SVOPL: variants seen among roughly 807,000 people sequenced by gnomAD.
SVOPL encodes putative transporter SVOPL.
A neutral mutation model predicts 61.0 loss-of-function variants in SVOPL; 60 were observed. The observed-to-expected ratio is 0.98, with a 90% CI of 0.80 to 1.22. The LOEUF is 1.22. Among genes scored for constraint, SVOPL ranks in the 50% most tolerant of loss-of-function variants. The pLI is 0.00. For synonymous variants in SVOPL, 279 were observed against 250.0 expected, an observed-to-expected ratio of 1.12 and a Z score of -1.09; for missense variants, 662 against 643.9, an observed-to-expected ratio of 1.03 and a Z score of -0.30.
intron 6 of SVOPL, 50 bp from the exon 7 acceptor site, chr7:138,656,561 A>G (rs374281665): frequency 1.3e-6 from 2 of 1,585,134 alleles, no homozygotes; most frequent in East Asian, 4.5e-5. Context: ...AAACTAAATC[A>G]TCTTTTAAAA....
intron 9 of SVOPL, 42 bp from the exon 10 acceptor site, chr7:138,630,164 A>C: frequency 6.7e-7 from 1 of 1,492,670 alleles, no homozygotes; most frequent in Non-Finnish European, 9.3e-7. Flanking sequence ...CAGCAGCTTA[A>C]GGATGAACGG....
chr7:138,684,080 C>A (rs570544692), intron 1 of SVOPL, among the ~76,000 whole-genome samples: 1 of 150,384 alleles, frequency 6.6e-6, no homozygotes, highest in African/African-American at 2.4e-5. Flanking sequence ...CAAAGAAGAT[C>A]CTGGCCAGGT....
intron 1 of SVOPL, among the ~76,000 whole-genome samples, chr7:138,680,571 TTGTGTGTG>T (rs60027714): frequency 9.5e-5 from 14 of 148,012 alleles, no homozygotes; most frequent in Admixed American, 8.1e-4. Flanking sequence ...ACACAGACTT[TTGTGTGTG>T]TGTGTGTGTG....
intron 14 of SVOPL, among the ~76,000 whole-genome samples, chr7:138,618,707 CGCGA>C (rs1415906712): frequency 3.6e-5 from 4 of 109,734 alleles, no homozygotes; most frequent in Admixed American, 9.5e-5. Context: ...CGTGCACACG[CGCGA>C]GAGAGAGAGA....
Position 138,661,472 on chromosome 7 carries a change from C to T in SVOPL, c.346-1484G>A, listed in dbSNP as rs182129696. The stretch of plus-strand genomic sequence containing the variant: ...TCAGGTCCAGAGACACAGGAGCATG[C>T]GACTCCGGTCACATTCCCGCACCCA... On this transcript the variant is annotated intron_variant, in intron 5 of 15. Transcript: ENST00000674285. 3.9e-4 allele frequency: 378 copies of T among 978,366 alleles called. 7 individuals are homozygous for T. The East Asian group carries it at 0.028, about 72-fold the overall frequency. 60.6% of individuals were successfully genotyped at this position (978,366 alleles called of 1,614,324 possible). A position where few individuals can be genotyped will look rare whatever the true frequency, so the allele number is the denominator to read the frequency against.
intron 14 of SVOPL, among the ~76,000 whole-genome samples, chr7:138,618,698 G>A (rs1261336989): frequency 2.2e-5 from 3 of 139,518 alleles, no homozygotes; most frequent in Non-Finnish European, 4.8e-5. Flanking sequence ...GAGAGCACGC[G>A]TGCACACGCG....
chr7:138,634,343 G>GA (rs1800362272), intron 9 of SVOPL, among the ~76,000 whole-genome samples: 1 of 151,918 alleles, frequency 6.6e-6, no homozygotes, highest in South Asian at 2.1e-4. Flanking sequence ...TCATCTCTAT[G>GA]AAAAAATAAG....
At chr7:138,637,481 G>GATAT (rs1232350747) in intron 9 of SVOPL, among the ~76,000 whole-genome samples, 145 of 41,348 alleles carry the variant, frequency 3.5e-3, no homozygotes, top group Middle Eastern at 0.024. Flanking sequence ...TATAGATATA[G>GATAT]ATATAGATAG....
At chr7:138,646,188 A>G in intron 8 of SVOPL, 1 of 184,048 alleles carries the variant, frequency 5.4e-6, no homozygotes, top group Non-Finnish European at 1.1e-5. Flanking sequence ...AGTGTACTCA[A>G]TATGCGCATC....
intron 1 of SVOPL, among the ~76,000 whole-genome samples, chr7:138,698,703 T>A (rs1301040278): frequency 6.6e-6 from 1 of 152,206 alleles, no homozygotes; most frequent in Admixed American, 6.5e-5. Context: ...AAGTGTGTGA[T>A]GACAATGAAA....
rs538513337 is a variant in SVOPL at position 138,601,062 on chromosome 7, T to C, written c.1354-4532A>G. On this transcript the variant is annotated intron_variant, in intron 14 of 15. Transcript: ENST00000674285. ...GTCAGGAGATCGAGACCATCCTGGCTAACATGGTGAAACCCTGTCTCTACT... is the reference window on the plus strand; with the variant it reads ...GTCAGGAGATCGAGACCATCCTGGCCAACATGGTGAAACCCTGTCTCTACT... Among the ~76,000 whole-genome samples the C allele has an allele frequency of 8.3e-4, 126 of 151,586 alleles. 2 individuals carry two copies. The highest frequency in any genetic ancestry group is 2.2e-3 in the Admixed American group (34 of 15,216).
chr7:138,692,048 C>A (rs1175690571), intron 1 of SVOPL, among the ~76,000 whole-genome samples: 1 of 151,950 alleles, frequency 6.6e-6, no homozygotes, highest in Non-Finnish European at 1.5e-5. Flanking sequence ...GAACTCCTAA[C>A]CTCAAGTGAA....
chr7:138,636,770 G>A lies in SVOPL; in HGVS notation c.790-6648C>T, dbSNP rs563354899. Among the ~76,000 whole-genome samples the A allele has an allele frequency of 3.8e-4, 58 of 151,852 alleles. 1 individual carries two copies. The highest frequency in any genetic ancestry group is 6.9e-4 in the Non-Finnish European group (47 of 67,930). On this transcript the variant is annotated intron_variant, in intron 9 of 15. Coordinates refer to ENST00000674285, the MANE Select transcript of SVOPL (RefSeq NM_001139456.2). Reference sequence around the variant, plus strand: ...ACAGATGTGAGCCACCACACCCGGCGGATTTTATTTTATTTTAATTAACTA... The same window carrying A: ...ACAGATGTGAGCCACCACACCCGGCAGATTTTATTTTATTTTAATTAACTA...
At chr7:138,664,644 G>A (rs1367506368) in intron 4 of SVOPL, among the ~76,000 whole-genome samples, 2 of 134,098 alleles carry the variant, frequency 1.5e-5, no homozygotes, top group Non-Finnish European at 3.2e-5. Context: ...CAGCACCCCC[G>A]ATCCTCCATC....
intron 13 of SVOPL, among the ~76,000 whole-genome samples, chr7:138,622,270 G>GTTTC (rs1799694489): frequency 3.6e-5 from 3 of 83,798 alleles, no homozygotes; most frequent in African/African-American, 8.4e-5. Context: ...ATCTATCTAT[G>GTTTC]TATCTATCTA....
intron 14 of SVOPL, among the ~76,000 whole-genome samples, chr7:138,606,011 A>T (rs990837258): frequency 5.4e-5 from 4 of 73,982 alleles, no homozygotes; most frequent in Non-Finnish European, 1.3e-4. Context: ...TTTTCTATTT[A>T]AAAAAAAAAA....
At chr7:138,675,486 T>C (rs1425832869) in intron 3 of SVOPL, among the ~76,000 whole-genome samples, 1 of 152,124 alleles carries the variant, frequency 6.6e-6, no homozygotes, top group Non-Finnish European at 1.5e-5. Context: ...TCCGAGTAGC[T>C]GGGATTGCAG....
intron 1 of SVOPL, among the ~76,000 whole-genome samples, chr7:138,695,168 A>G (rs1484207103): frequency 1.3e-5 from 2 of 152,232 alleles, no homozygotes; most frequent in Non-Finnish European, 2.9e-5. Flanking sequence ...AATAAAATAC[A>G]ATGAAAAGAG....
intron 1 of SVOPL, among the ~76,000 whole-genome samples, chr7:138,691,339 A>G (rs1802934755): frequency 6.6e-6 from 1 of 152,128 alleles, no homozygotes; most frequent in Non-Finnish European, 1.5e-5. Flanking sequence ...TTCAGTCAAC[A>G]TTAAATCTCT....
Sources: allele counts gnomAD v4.1 joint callset (sites outside exome capture counted in the v4.1 genomes callset), GRCh38; gene constraint gnomAD v4.1.1; transcripts MANE v1.5; gene names NCBI Gene and HGNC (gene_info 2026-07-23, HGNC 2026-07-21).